CHSY3: variants seen among roughly 807,000 people sequenced by gnomAD.
CHSY3 encodes chondroitin sulfate synthase 3.
In CHSY3, 35 loss-of-function variants were observed where a neutral mutation model predicts 67.2. That is an observed-to-expected ratio of 0.52 (90% CI 0.40 to 0.69). The LOEUF is 0.69. CHSY3 is among the 30% of genes least tolerant of loss of function. The pLI, the probability that CHSY3 is intolerant of heterozygous loss-of-function variation, is 0.00. For synonymous variants in CHSY3, 474 were observed against 434.7 expected, an observed-to-expected ratio of 1.09 and a Z score of -1.12; for missense variants, 1,069 against 1,138.5, an observed-to-expected ratio of 0.94 and a Z score of 0.88.
At chr5:130,024,553 C>A (rs1299669931) in intron 2 of CHSY3, among the ~76,000 whole-genome samples, 1 of 152,078 alleles carries the variant, frequency 6.6e-6, no homozygotes, top group Non-Finnish European at 1.5e-5. Flanking sequence ...TCTGTTTTAA[C>A]CCCTATTAAG....
At chr5:129,928,738 A>T (rs1761199756) in intron 2 of CHSY3, among the ~76,000 whole-genome samples, 1 of 152,154 alleles carries the variant, frequency 6.6e-6, no homozygotes, top group African/African-American at 2.4e-5. Context: ...GTATAAAATA[A>T]TGATAGTAAT....
rs536715906 is a variant in CHSY3 at position 130,076,452 on chromosome 5, C to CT, written c.1087-107768dup. Among the ~76,000 whole-genome samples, 57 of 150,056 alleles carry CT rather than the reference C, an allele frequency of 3.8e-4. 1 individual carries two copies. Among genetic ancestry groups the CT allele is most frequent in the African/African-American group, 6.8e-4 (28 of 40,926 alleles). On this transcript the variant is annotated intron_variant, in intron 2 of 2. Transcript: ENST00000305031. ...TTATAAGGCCATAAAGAAAAGAAAC[C>CT]TTTTTTTTTCCCATTTTGGTATCCT...
At chr5:129,928,597 G>A (rs17162931) in intron 2 of CHSY3, among the ~76,000 whole-genome samples, 4,111 of 152,126 alleles carry the variant, frequency 0.027, 190 homozygotes, top group African/African-American at 0.093. Flanking sequence ...ATGCTGATCT[G>A]TAGCTCGGTG....
chr5:130,157,575 G>T (rs1359483444), intron 2 of CHSY3, among the ~76,000 whole-genome samples: 1 of 152,128 alleles, frequency 6.6e-6, no homozygotes, highest in Admixed American at 6.5e-5. Context: ...ATTTTCTATG[G>T]GTCACATCTG....
At position 129,904,689 on chromosome 5, in the gene CHSY3, C is replaced by G; in HGVS notation, c.-141C>G. ...GTCGAGGCGTCCGCGGCGCTTCGAC[C>G]TCCAGCCGGTGTCGGCGCCTAGGCG... On this transcript the variant is annotated 5_prime_UTR_variant, in exon 1 of 3. Coordinates refer to ENST00000305031, the MANE Select transcript of CHSY3 (RefSeq NM_175856.5). 2 of 1,201,274 alleles carry G rather than the reference C, an allele frequency of 1.7e-6. No homozygotes were observed. The highest frequency in any genetic ancestry group is 1.0e-6 in the Non-Finnish European group (1 of 965,142). 74.4% of individuals were successfully genotyped at this position (1,201,274 alleles called of 1,614,324 possible).
In CHSY3 at chr5:129,905,036, A is replaced by G; in HGVS notation, c.207A>G (p.Arg69=). The part of the protein sequence containing the change: ...AQQPLPQPQS[R]PRQEQSPPPA... Reference sequence around the variant, plus strand: ...AGCCGCTCCCCCAGCCCCAGTCCCGACCACGGCAGGAGCAGTCGCCGCCCC... The same window carrying G: ...AGCCGCTCCCCCAGCCCCAGTCCCGGCCACGGCAGGAGCAGTCGCCGCCCC... Residue 69 remains arginine, a synonymous_variant, in exon 1 of 3, where the codon CGA becomes CGG. Transcript: ENST00000305031. 2 of 1,557,472 alleles carry G rather than the reference A, an allele frequency of 1.3e-6. No homozygotes were observed. Among genetic ancestry groups the G allele is most frequent in the African/African-American group, 2.7e-5 (2 of 73,390 alleles).
chr5:129,950,951 A>G (rs1762007098), intron 2 of CHSY3, among the ~76,000 whole-genome samples: 1 of 152,220 alleles, frequency 6.6e-6, no homozygotes, highest in Non-Finnish European at 1.5e-5. Flanking sequence ...CTAAAACACA[A>G]GAACAAAGCT....
chr5:129,930,609 G>A (rs1018884573), intron 2 of CHSY3, among the ~76,000 whole-genome samples: 1 of 151,814 alleles, frequency 6.6e-6, no homozygotes, highest in African/African-American at 2.4e-5. Flanking sequence ...GCCCTGAGGG[G>A]AGGACGGTCA....
intron 2 of CHSY3, among the ~76,000 whole-genome samples, chr5:130,036,160 ACTGTC>A (rs1177989163): frequency 6.6e-6 from 1 of 151,980 alleles, no homozygotes; most frequent in Non-Finnish European, 1.5e-5. Flanking sequence ...ATTTTCTTAC[ACTGTC>A]TTTCCTGGAC....
chr5:130,056,787 T>C (rs1765543128), intron 2 of CHSY3, among the ~76,000 whole-genome samples: 1 of 152,008 alleles, frequency 6.6e-6, no homozygotes. Flanking sequence ...TCCTCATATA[T>C]AAAGTAGGAA....
At chr5:129,917,481 C>T (rs1044656182) in intron 2 of CHSY3, among the ~76,000 whole-genome samples, 2 of 152,168 alleles carry the variant, frequency 1.3e-5, no homozygotes, top group African/African-American at 4.8e-5. Flanking sequence ...CATTCTACAA[C>T]TACTAGCTAT....
intron 2 of CHSY3, among the ~76,000 whole-genome samples, chr5:130,155,226 G>A (rs1180663576): frequency 2.6e-5 from 4 of 152,176 alleles, no homozygotes; most frequent in Non-Finnish European, 5.9e-5. Context: ...GATTTTCTTT[G>A]TATAGTAAAC....
At chr5:129,941,293 A>C (rs1461100218) in intron 2 of CHSY3, among the ~76,000 whole-genome samples, 3 of 152,228 alleles carry the variant, frequency 2.0e-5, no homozygotes, top group Non-Finnish European at 4.4e-5. Context: ...TCATAAGTCA[A>C]GGAACATCCA....
intron 2 of CHSY3, among the ~76,000 whole-genome samples, chr5:129,935,646 T>C (rs189205812): frequency 1.3e-5 from 2 of 152,178 alleles, no homozygotes; most frequent in Non-Finnish European, 1.5e-5. Context: ...TTGTTCCACT[T>C]AGAAATGAGA....
intron 2 of CHSY3, among the ~76,000 whole-genome samples, chr5:130,157,404 A>C (rs1769403428): frequency 6.6e-6 from 1 of 152,244 alleles, no homozygotes; most frequent in South Asian, 2.1e-4. Flanking sequence ...GGAACTATTT[A>C]GGCTGCATAG....
intron 2 of CHSY3, among the ~76,000 whole-genome samples, chr5:130,025,405 T>TCAGAC (rs1228197594): frequency 6.6e-6 from 1 of 152,100 alleles, no homozygotes; most frequent in East Asian, 1.9e-4. Context: ...AGTAAGGAAC[T>TCAGAC]CAGACAAGCT....
chr5:129,981,994 A>G (rs565944829), intron 2 of CHSY3, among the ~76,000 whole-genome samples: 48 of 152,334 alleles, frequency 3.2e-4, no homozygotes, highest in Non-Finnish European at 5.1e-4. Context: ...GTGCTAGATT[A>G]CATGAGTTGA....
chr5:129,961,627 C>G (rs1762327639), intron 2 of CHSY3, among the ~76,000 whole-genome samples: 1 of 151,938 alleles, frequency 6.6e-6, no homozygotes, highest in African/African-American at 2.4e-5. Context: ...CTTCTCTGAT[C>G]ACACATTTTT....
At chr5:129,977,649 T>A (rs1382509287) in intron 2 of CHSY3, among the ~76,000 whole-genome samples, 1 of 152,114 alleles carries the variant, frequency 6.6e-6, no homozygotes, top group Non-Finnish European at 1.5e-5. Flanking sequence ...TTATTTCCCT[T>A]GAGTAAATTA....
Sources: allele counts gnomAD v4.1 joint callset (sites outside exome capture counted in the v4.1 genomes callset), GRCh38; gene constraint gnomAD v4.1.1; transcripts MANE v1.5; gene names NCBI Gene and HGNC (gene_info 2026-07-23, HGNC 2026-07-21).